Variants in PDE4D observed in about 807,000 individuals in gnomAD.
PDE4D encodes 3',5'-cyclic-AMP phosphodiesterase 4D.
Under a neutral mutation model 87.4 loss-of-function variants are expected in PDE4D, and 24 were observed. The observed-to-expected ratio is 0.27, with a 90% CI of 0.20 to 0.39. The LOEUF (loss-of-function observed/expected upper bound fraction) is 0.39, where lower values mean the gene tolerates loss of function less well. Among genes scored for constraint, PDE4D ranks in the 10% least tolerant of loss-of-function variants. PDE4D has a pLI of 1.00. For missense variants in PDE4D, 714 were observed against 1,041.0 expected (o/e 0.69, Z 4.32); for synonymous variants, 384 against 383.2 (o/e 1.00, Z -0.02).
At chr5:59,660,978 T>C (rs1220988247) in intron 1 of PDE4D, among the ~76,000 whole-genome samples, 1 of 151,452 alleles carries the variant, frequency 6.6e-6, no homozygotes. Flanking sequence ...GTCTATTTTA[T>C]GGCTAATGCT....
intron 1 of PDE4D, among the ~76,000 whole-genome samples, chr5:59,840,017 T>C (rs1385918167): frequency 6.6e-6 from 1 of 152,068 alleles, no homozygotes; most frequent in Non-Finnish European, 1.5e-5. Flanking sequence ...GGGCTCCCCA[T>C]GTGCATTATC....
intron 1 of PDE4D, among the ~76,000 whole-genome samples, chr5:60,379,729 T>C (rs540692169): frequency 6.6e-6 from 1 of 152,332 alleles, no homozygotes; most frequent in Admixed American, 6.5e-5. Context: ...CTCAGTGCTT[T>C]AATGAGATTA....
intron 1 of PDE4D, among the ~76,000 whole-genome samples, chr5:59,257,543 A>T: frequency 6.6e-6 from 1 of 151,612 alleles, no homozygotes; most frequent in Non-Finnish European, 1.5e-5. Context: ...ATTTGGTAGA[A>T]TTTTTTTTTA....
At chr5:59,904,628 A>T (rs1752630622) in intron 3 of PDE4D, among the ~76,000 whole-genome samples, 1 of 152,162 alleles carries the variant, frequency 6.6e-6, no homozygotes. Flanking sequence ...TTCTCCCTTA[A>T]GATCTGAAGT....
rs531978869 is a variant in PDE4D at position 59,649,159 on chromosome 5, T to C, written c.455+244009A>G. On this transcript the variant is annotated intron_variant, in intron 1 of 14. Transcript: ENST00000340635. The stretch of plus-strand genomic sequence containing the variant: ...TAAATAGTTATGAGTGAATGCCCAA[T>C]GTGAGGTGAAGAAAGGGAGAGGTCA... Among the ~76,000 whole-genome samples, 9 of 152,226 alleles carry C rather than the reference T, an allele frequency of 5.9e-5. No individual in the cohort carries two copies. The South Asian group carries it at 1.9e-3, about 32-fold the overall frequency.
At chr5:59,736,039 A>G (rs1758021384) in intron 1 of PDE4D, among the ~76,000 whole-genome samples, 1 of 152,106 alleles carries the variant, frequency 6.6e-6, no homozygotes, top group South Asian at 2.1e-4. Flanking sequence ...GTTGCTTAAA[A>G]TAAAGAGTCA....
At chr5:59,602,908 A>G (rs753484811) in intron 1 of PDE4D, among the ~76,000 whole-genome samples, 9 of 152,088 alleles carry the variant, frequency 5.9e-5, no homozygotes, top group Non-Finnish European at 1.2e-4. Context: ...CTTATTTTCA[A>G]CAAAGGTGCC....
rs891519398 is a variant in PDE4D at position 59,159,953 on chromosome 5, G to A, written c.808+20642C>T. The stretch of plus-strand genomic sequence containing the variant: ...GCTCGTTACTGTAGGGGAAAAAAAA[G>A]TCCTCATAGATCATTAGCTCCTAAG... On this transcript the variant is annotated intron_variant, in intron 5 of 14. Transcript: ENST00000340635. Among the ~76,000 whole-genome samples the A allele has an allele frequency of 4.6e-5, 7 of 152,112 alleles. No individual in the cohort carries two copies. In the South Asian group the frequency reaches 1.2e-3, roughly 27 times the overall value.
At chr5:60,476,273 G>A (rs1005434928) in intron 1 of PDE4D, among the ~76,000 whole-genome samples, 1 of 152,126 alleles carries the variant, frequency 6.6e-6, no homozygotes, top group African/African-American at 2.4e-5. Flanking sequence ...AAGTCTGTTG[G>A]GTCTACTTTG....
chr5:60,344,704 GCAAA>G (rs1029115539), intron 1 of PDE4D, among the ~76,000 whole-genome samples: 7 of 151,960 alleles, frequency 4.6e-5, no homozygotes, highest in Non-Finnish European at 8.8e-5. Context: ...ACACACACAC[GCAAA>G]CAGATGAATT....
intron 1 of PDE4D, among the ~76,000 whole-genome samples, chr5:59,487,147 G>C (rs1366714909): frequency 6.6e-6 from 1 of 152,100 alleles, no homozygotes; most frequent in Non-Finnish European, 1.5e-5. Context: ...ATGGAGATGG[G>C]GGAGAAACAA....
chr5:59,484,824 A>G (rs1562267018), intron 1 of PDE4D, among the ~76,000 whole-genome samples: 1 of 152,158 alleles, frequency 6.6e-6, no homozygotes, highest in African/African-American at 2.4e-5. Flanking sequence ...TTTGTTTCAC[A>G]TTTTCTCATC....
At chr5:59,912,046 A>C (rs1753502098) in intron 3 of PDE4D, among the ~76,000 whole-genome samples, 1 of 152,182 alleles carries the variant, frequency 6.6e-6, no homozygotes, top group Admixed American at 6.6e-5. Context: ...AGGAGGCTTT[A>C]AACTAATAGA....
At chr5:59,177,698 G>A (rs997423916) in intron 5 of PDE4D, among the ~76,000 whole-genome samples, 10 of 152,158 alleles carry the variant, frequency 6.6e-5, no homozygotes, top group Admixed American at 1.3e-4. Flanking sequence ...GTTGCCCTCC[G>A]GAGGCACTTG....
At chr5:60,409,109 C>A (rs2150062703) in intron 1 of PDE4D, among the ~76,000 whole-genome samples, 1 of 152,022 alleles carries the variant, frequency 6.6e-6, no homozygotes, top group East Asian at 1.9e-4. Context: ...GTGACTTATG[C>A]AGAAAAGAAA....
intron 5 of PDE4D, among the ~76,000 whole-genome samples, chr5:59,124,055 C>G (rs935805334): frequency 1.3e-5 from 2 of 152,190 alleles, no homozygotes; most frequent in African/African-American, 4.8e-5. Flanking sequence ...AAGGTATAAC[C>G]TTTGGAAAAT....
chr5:60,023,827 T>C (rs554027543), intron 2 of PDE4D, among the ~76,000 whole-genome samples: 6 of 152,240 alleles, frequency 3.9e-5, no homozygotes, highest in African/African-American at 1.4e-4. Context: ...ATCAGAGTTG[T>C]TGGGGAAGCA....
At chr5:59,135,754 G>T (rs1282691064) in intron 5 of PDE4D, among the ~76,000 whole-genome samples, 2 of 152,148 alleles carry the variant, frequency 1.3e-5, no homozygotes, top group South Asian at 4.1e-4. Context: ...ACTGCCTGAA[G>T]ATACTGGGCC....
chr5:60,096,648 A>G (rs1358531029), intron 2 of PDE4D, among the ~76,000 whole-genome samples: 2 of 152,112 alleles, frequency 1.3e-5, no homozygotes, highest in East Asian at 3.9e-4. Context: ...AGCACACAGG[A>G]CTATCTAGAA....
Sources: allele counts gnomAD v4.1 joint callset (sites outside exome capture counted in the v4.1 genomes callset), GRCh38; gene constraint gnomAD v4.1.1; transcripts MANE v1.5; gene names NCBI Gene and HGNC (gene_info 2026-07-23, HGNC 2026-07-21).